Variants in FER1L6 observed in about 807,000 individuals in gnomAD.
The protein encoded by FER1L6 is fer-1 like family member 6, also known as fer-1-like protein 6.
FER1L6 carries 177 observed loss-of-function variants against 219.2 expected under a neutral mutation model. The observed-to-expected ratio is 0.81, with a 90% CI of 0.71 to 0.91. FER1L6 has a LOEUF of 0.91. Among genes scored for constraint, FER1L6 ranks in the 40% least tolerant of loss-of-function variants. FER1L6 has a pLI of 0.00. For synonymous variants in FER1L6, 768 were observed against 824.3 expected, an observed-to-expected ratio of 0.93 and a Z score of 1.17; for missense variants, 2,153 against 2,259.9, an observed-to-expected ratio of 0.95 and a Z score of 0.96.
In FER1L6 at chr8:124,082,195, C is replaced by T; in HGVS notation, c.4221-93C>T. 4.1e-6 allele frequency: 4 copies of T among 980,980 alleles called. No individual in the cohort carries two copies. The South Asian group carries it at 4.8e-5, about 12-fold the overall frequency. 60.8% of individuals were successfully genotyped at this position (980,980 alleles called of 1,614,324 possible). A position where few individuals can be genotyped will look rare whatever the true frequency, so the allele number is the denominator to read the frequency against. ...AGTTGCTGAGTGTTTAATGAGTTCA[C>T]ATGAATAGCGGGCTAGCTAAAAGTG... On this transcript the variant is annotated intron_variant, in intron 32 of 40. Coordinates refer to ENST00000522917, the MANE Select transcript of FER1L6 (RefSeq NM_001039112.2).
intron 1 of FER1L6, 70 bp from the exon 2 acceptor site, chr8:123,955,922 T>C (rs1366510135): frequency 2.8e-6 from 4 of 1,428,254 alleles, no homozygotes; most frequent in African/African-American, 1.4e-5. Context: ...TGTGTTTTTG[T>C]GTTTACCTTC....
At chr8:124,023,907 T>A (rs976071143) in intron 18 of FER1L6, among the ~76,000 whole-genome samples, 3 of 151,984 alleles carry the variant, frequency 2.0e-5, no homozygotes, top group African/African-American at 4.8e-5. Context: ...AAGGTTTTTT[T>A]TTTTTTTGAG....
chr8:124,102,865 T>G (rs1262811562), intron 38 of FER1L6, among the ~76,000 whole-genome samples: 1 of 152,228 alleles, frequency 6.6e-6, no homozygotes, highest in Admixed American at 6.5e-5. Flanking sequence ...TGAAGCTACC[T>G]GCAGCTGAGG....
chr8:124,076,752 G>C (rs1821312646), intron 32 of FER1L6, among the ~76,000 whole-genome samples: 1 of 152,182 alleles, frequency 6.6e-6, no homozygotes, highest in Non-Finnish European at 1.5e-5. Flanking sequence ...AAGGTCTAGG[G>C]AGGTTAAGAA....
At chr8:124,118,758 T>C in intron 39 of FER1L6, 86 bp from the exon 40 acceptor site, 1 of 1,120,568 alleles carries the variant, frequency 8.9e-7, no homozygotes, top group Non-Finnish European at 1.3e-6. Context: ...TCTGGAATTC[T>C]CCAACTTGGT....
intron 37 of FER1L6, among the ~76,000 whole-genome samples, 161 bp downstream of exon 37, chr8:124,098,044 G>T (rs1822386942): frequency 6.6e-6 from 1 of 152,014 alleles, no homozygotes; most frequent in Admixed American, 6.6e-5. Flanking sequence ...TGTCTTATTT[G>T]GTCATTTTGC....
Position 124,082,464 on chromosome 8 carries a change from T to C in FER1L6, c.4391+6T>C. 6.2e-7 allele frequency: 1 copy of C among 1,612,930 alleles called. No individual in the cohort carries two copies. The highest frequency in any genetic ancestry group is 1.7e-5 in the Admixed American group (1 of 59,930). ...TTGCAGAGCCAGTATGAGATGTAAG[T>C]TCTTTCTCCCCGGGAGACACTTGGT... On this transcript the variant is annotated splice_donor_region_variant and intron_variant, in intron 33 of 40. Coordinates refer to ENST00000522917, the MANE Select transcript of FER1L6 (RefSeq NM_001039112.2).
chr8:123,866,002 T>TC lies in FER1L6; in HGVS notation c.-8+13824dup, dbSNP rs529791599. Among the ~76,000 whole-genome samples, 40 of 146,380 alleles carry TC rather than the reference T, an allele frequency of 2.7e-4. 1 individual carries two copies. The South Asian group carries it at 7.4e-3, about 27-fold the overall frequency. ...GTTCCTATTCGGCCATCTTGGCTCC[T>TC]CCCCCCCACATTTTCTTAATCCAGT... On this transcript the variant is annotated intron_variant, in intron 1 of 40. Transcript: ENST00000522917.
At chr8:123,952,530 T>G (rs1464582679) in intron 1 of FER1L6, among the ~76,000 whole-genome samples, 1 of 152,198 alleles carries the variant, frequency 6.6e-6, no homozygotes, top group Non-Finnish European at 1.5e-5. Flanking sequence ...TGGGAGGATA[T>G]TATGATCCTA....
intron 1 of FER1L6, among the ~76,000 whole-genome samples, chr8:123,906,758 C>T (rs1812960295): frequency 6.6e-6 from 1 of 151,468 alleles, no homozygotes; most frequent in Non-Finnish European, 1.5e-5. Context: ...CAAGATCACG[C>T]CACTGCACTC....
chr8:123,944,875 G>C (rs79294584), intron 1 of FER1L6, among the ~76,000 whole-genome samples: 1 of 152,138 alleles, frequency 6.6e-6, no homozygotes, highest in Non-Finnish European at 1.5e-5. Flanking sequence ...TATCTACTCA[G>C]GGTCTTGGCT....
intron 31 of FER1L6, among the ~76,000 whole-genome samples, chr8:124,071,891 G>C (rs1438774236): frequency 1.3e-5 from 2 of 152,060 alleles, no homozygotes; most frequent in Admixed American, 1.3e-4. Flanking sequence ...TGCGAGCTCT[G>C]ATATCTCCTC....
chr8:124,098,539 G>C (rs908031168), intron 37 of FER1L6, among the ~76,000 whole-genome samples: 1 of 152,122 alleles, frequency 6.6e-6, no homozygotes, highest in Non-Finnish European at 1.5e-5. Context: ...ACCACATCTG[G>C]TGGTTCAAAA....
intron 1 of FER1L6, among the ~76,000 whole-genome samples, chr8:123,864,925 A>G (rs1816806294): frequency 6.6e-6 from 1 of 150,804 alleles, no homozygotes. Flanking sequence ...CTTTGGTTTG[A>G]ATGTCCTCCT....
intron 39 of FER1L6, among the ~76,000 whole-genome samples, chr8:124,117,094 A>G (rs1259385047): frequency 6.6e-6 from 1 of 152,192 alleles, no homozygotes; most frequent in African/African-American, 2.4e-5. Context: ...CAATTAGATG[A>G]ATAAGTTGGG....
At chr8:124,045,978 G>C (rs985447806) in intron 21 of FER1L6, 77 bp downstream of exon 21, 1 of 1,546,570 alleles carries the variant, frequency 6.5e-7, no homozygotes, top group African/African-American at 1.4e-5. Flanking sequence ...TTATTTTAAA[G>C]TAAATAAAGT....
At position 124,076,303 on chromosome 8, in the gene FER1L6, C is replaced by A; in HGVS notation, c.4198C>A (p.Gln1400Lys). 6.2e-7 allele frequency: 1 copy of A among 1,613,670 alleles called. No individual in the cohort carries two copies. Among genetic ancestry groups the A allele is most frequent in the Non-Finnish European group, 8.5e-7 (1 of 1,179,580 alleles). Residue 1400 changes from glutamine to lysine, a missense_variant, in exon 32 of 41, where the codon CAA becomes AAA. By Grantham distance (53) the Gln-to-Lys change is moderately conservative (BLOSUM62 1). Transcript: ENST00000522917. ...IKDRDKYIPK[Q>K]LNPVFGRSFE... ...AGACCGGGATAAATACATCCCTAAA[C>A]AACTGAACCCAGTATTTGGAAGGTC...
At chr8:124,072,823 T>C (rs1821133207) in intron 31 of FER1L6, among the ~76,000 whole-genome samples, 1 of 152,220 alleles carries the variant, frequency 6.6e-6, no homozygotes, top group Admixed American at 6.5e-5. Context: ...CAGGATGCTT[T>C]AGACTAACCT....
chr8:123,942,330 T>C (rs750227297), intron 1 of FER1L6, among the ~76,000 whole-genome samples: 1 of 152,170 alleles, frequency 6.6e-6, no homozygotes, highest in Non-Finnish European at 1.5e-5. Context: ...CCCAGCACCA[T>C]ACCTAAAACA....
Sources: gnomAD v4.1 joint callset for allele counts (sites outside exome capture counted in the v4.1 genomes callset) on GRCh38, gnomAD v4.1.1 for gene constraint, MANE v1.5 for transcripts, NCBI Gene and HGNC (gene_info 2026-07-23, HGNC 2026-07-21) for gene names.